The following PLEKHG7 variants were observed in gnomAD, a reference collection of about 807,000 sequenced individuals.
PLEKHG7 encodes the protein pleckstrin homology and RhoGEF domain containing G7, also known as pleckstrin homology domain-containing family G member 7.
A neutral mutation model predicts 85.2 loss-of-function variants in PLEKHG7; 77 were observed. The ratio of observed to expected loss-of-function variants is 0.90; its 90% CI spans 0.75 to 1.09. PLEKHG7 has a LOEUF of 1.09. Ranked by LOEUF, PLEKHG7 falls within the 50% of genes least tolerant of loss-of-function variation. The probability of loss-of-function intolerance (pLI) is 0.00; values close to 1 mark genes in which losing one functional copy is unlikely to be tolerated. For missense variants in PLEKHG7, 777 were observed against 804.3 expected, an observed-to-expected ratio of 0.97 and a Z score of 0.41; for synonymous variants, 301 against 302.4, an observed-to-expected ratio of 1.00 and a Z score of 0.05.
intron 3 of PLEKHG7, among the ~76,000 whole-genome samples, chr12:92,711,092 G>A (rs572911650): frequency 1.1e-4 from 16 of 152,016 alleles, no homozygotes; most frequent in South Asian, 2.1e-4. Context: ...GTATATAATC[G>A]CACATCTGGC....
rs1348499688 is a variant in PLEKHG7, at chr12:92,770,829, G to A, written c.*634G>A. On this transcript the variant is annotated 3_prime_UTR_variant, in exon 17 of 17. Transcript: ENST00000344636. ...GACTAAATTCCATTACTTTAAGATAGGAAGAAAAAAAAAATCTGGCTTTCA... is the reference window on the plus strand; with the variant it reads ...GACTAAATTCCATTACTTTAAGATAAGAAGAAAAAAAAAATCTGGCTTTCA... 7 of 137,470 alleles carry A rather than the reference G, an allele frequency of 5.1e-5. No homozygotes were observed. Among genetic ancestry groups the A allele is most frequent in the African/African-American group, 1.6e-4 (6 of 37,376 alleles). The allele number at this position is 137,470 out of a possible 1,614,324, so 8.5% of individuals were successfully genotyped here. A position where few individuals can be genotyped will look rare whatever the true frequency, so the allele number is the denominator to read the frequency against.
chr12:92,737,653 A>C, intron 7 of PLEKHG7, 132 bp downstream of exon 7: 1 of 923,182 alleles, frequency 1.1e-6, no homozygotes, highest in Non-Finnish European at 1.6e-6. Context: ...AGACAAAGAG[A>C]AAGAAAGGAA....
At chr12:92,730,111 G>A (rs538703341) in intron 4 of PLEKHG7, among the ~76,000 whole-genome samples, 138 of 152,246 alleles carry the variant, frequency 9.1e-4, no homozygotes, top group Non-Finnish European at 1.5e-3. Context: ...TCTCCTGTAC[G>A]TGGAGCCCAG....
chr12:92,703,401 TAAAG>T (rs1000174517), intron 1 of PLEKHG7, among the ~76,000 whole-genome samples: 1 of 152,216 alleles, frequency 6.6e-6, no homozygotes, highest in African/African-American at 2.4e-5. Context: ...CTTTTAAACA[TAAAG>T]AAGAGTTAGC....
At chr12:92,763,479 A>T (rs181730621) in intron 14 of PLEKHG7, among the ~76,000 whole-genome samples, 3 of 152,260 alleles carry the variant, frequency 2.0e-5, no homozygotes, top group Admixed American at 2.0e-4. Flanking sequence ...CCAGTTATGG[A>T]CATCAACCAT....
At chr12:92,729,868 C>A (rs972329757) in intron 4 of PLEKHG7, among the ~76,000 whole-genome samples, 2 of 152,140 alleles carry the variant, frequency 1.3e-5, no homozygotes, top group African/African-American at 4.8e-5. Flanking sequence ...AAAGACTCAC[C>A]TCCAAGGCAT....
chr12:92,732,389 C>T (rs996651981), intron 5 of PLEKHG7, 116 bp downstream of exon 5: 14 of 574,904 alleles, frequency 2.4e-5, no homozygotes, highest in Admixed American at 4.4e-5. Context: ...GCAGATGGCA[C>T]GTGAAATATA....
intron 13 of PLEKHG7, among the ~76,000 whole-genome samples, chr12:92,759,047 G>A (rs746031949): frequency 7.2e-5 from 11 of 152,192 alleles, no homozygotes; most frequent in Admixed American, 1.3e-4. Context: ...TGATGACAAT[G>A]AGGATGAAAA....
chr12:92,707,374 T>C (rs1372847109), intron 2 of PLEKHG7: 4 of 1,427,032 alleles, frequency 2.8e-6, no homozygotes, highest in Non-Finnish European at 3.6e-6. Flanking sequence ...TAGAGGCACT[T>C]TGAGAAAGGA....
rs1267421787 is a variant in PLEKHG7 at position 92,756,362 on chromosome 12, T to C, written c.1607T>C (p.Leu536Pro). 1.2e-6 allele frequency: 2 copies of C among 1,613,044 alleles called. No homozygotes were observed. The highest frequency in any genetic ancestry group is 3.3e-5 in the Admixed American group (2 of 60,020). Residue 536 changes from leucine (L) to proline (P), a missense_variant, in exon 13 of 17, where the codon CTT becomes CCT. Transcript: ENST00000344636. Reference protein sequence around the residue: ...ENILSPTSRHLLYEGKLTLAE... With the variant: ...ENILSPTSRHPLYEGKLTLAE... ...ATCTTGTCACCAACCAGCAGACACC[T>C]TCTCTATGAAGGAAAATTAACTCTT...
intron 15 of PLEKHG7, among the ~76,000 whole-genome samples, chr12:92,768,051 C>CA (rs1873264223): frequency 6.6e-6 from 1 of 151,676 alleles, no homozygotes; most frequent in Non-Finnish European, 1.5e-5. Flanking sequence ...ACTAAAAACA[C>CA]AAAAAAATTA....
intron 9 of PLEKHG7, among the ~76,000 whole-genome samples, chr12:92,743,473 G>T (rs1055151294): frequency 6.7e-6 from 1 of 149,400 alleles, no homozygotes; most frequent in East Asian, 2.0e-4. Flanking sequence ...GCTTAGAGAG[G>T]TTACATAATT....
intron 11 of PLEKHG7, among the ~76,000 whole-genome samples, chr12:92,755,491 T>TC (rs918948836): frequency 2.0e-5 from 3 of 152,216 alleles, no homozygotes. Flanking sequence ...GTCTGATTTT[T>TC]TTTTTCCTCC....
intron 13 of PLEKHG7, among the ~76,000 whole-genome samples, 159 bp from the exon 14 acceptor site, chr12:92,761,593 A>AAAAG (rs1196655364): frequency 6.7e-6 from 1 of 149,694 alleles, no homozygotes; most frequent in African/African-American, 2.5e-5. Flanking sequence ...AGAGAGAATG[A>AAAAG]AAAGAAAGAA....
chr12:92,755,744 G>T (rs1366772889), intron 11 of PLEKHG7, 81 bp from the exon 12 acceptor site: 3 of 914,708 alleles, frequency 3.3e-6, no homozygotes, highest in Non-Finnish European at 5.3e-6. Flanking sequence ...GTTTCTAAAT[G>T]ATTCCTGTGG....
At chr12:92,740,064 A>G (rs1872303882) in intron 7 of PLEKHG7, among the ~76,000 whole-genome samples, 1 of 152,206 alleles carries the variant, frequency 6.6e-6, no homozygotes, top group Admixed American at 6.5e-5. Flanking sequence ...CACTCATTAC[A>G]CTAATGAAAT....
In PLEKHG7 at chr12:92,756,390, AG is replaced by A. The variant is rs1470962830; in HGVS notation, c.1636+1del. The A allele has an allele frequency of 1.2e-6, 2 of 1,606,394 alleles. No individual in the cohort carries two copies. Among genetic ancestry groups the A allele is most frequent in the African/African-American group, 2.7e-5 (2 of 74,728 alleles). On this transcript the variant is annotated frameshift_variant and splice_region_variant, in exon 13 of 17. Coordinates refer to ENST00000344636, the MANE Select transcript of PLEKHG7 (RefSeq NM_001377329.1). LOFTEE classifies it high-confidence loss of function. ...LLYEGKLTLA[E>X]STRFLDVYLF... The stretch of plus-strand genomic sequence containing the variant: ...TCTATGAAGGAAAATTAACTCTTGC[AG>A]GTAAATAACTGCTTCCTTTAAAAAA...
chr12:92,761,667 AAAGAAAGAAAGAAAG>A (rs1873031244), intron 13 of PLEKHG7, 70 bp from the exon 14 acceptor site: 2 of 1,264,578 alleles, frequency 1.6e-6, no homozygotes, highest in East Asian at 6.4e-5. Context: ...AGAAAGAAAG[AAAGAAAGAAAGAAAG>A]AAAGGGAAAG....
At chr12:92,763,984 A>G (rs1873110995) in intron 14 of PLEKHG7, 57 bp from the exon 15 acceptor site, 4 of 1,480,116 alleles carry the variant, frequency 2.7e-6, no homozygotes, top group South Asian at 2.5e-5. Context: ...TGCACTTTAG[A>G]TAAGTGTGCC....
Sources: gnomAD v4.1 joint callset for allele counts (sites outside exome capture counted in the v4.1 genomes callset) on GRCh38, gnomAD v4.1.1 for gene constraint, MANE v1.5 for transcripts, NCBI Gene and HGNC (gene_info 2026-07-23, HGNC 2026-07-21) for gene names.